CNTN6: variants seen among roughly 807,000 people sequenced by gnomAD.
CNTN6 encodes contactin-6.
Under a neutral mutation model 122.8 loss-of-function variants are expected in CNTN6, and 137 were observed. The ratio of observed to expected loss-of-function variants is 1.12; its 90% CI spans 0.97 to 1.29. The LOEUF (loss-of-function observed/expected upper bound fraction) is 1.29, where lower values mean the gene tolerates loss of function less well. Ranked by LOEUF, CNTN6 falls within the 50% of genes most tolerant of loss-of-function variation. CNTN6 has a pLI of 0.00. For synonymous variants in CNTN6, 570 were observed against 426.0 expected, an observed-to-expected ratio of 1.34 and a Z score of -4.16; for missense variants, 1,634 against 1,223.4, an observed-to-expected ratio of 1.34 and a Z score of -5.01.
intron 4 of CNTN6, among the ~76,000 whole-genome samples, chr3:1,255,166 T>C (rs1196804192): frequency 1.3e-5 from 2 of 152,288 alleles, no homozygotes; most frequent in East Asian, 3.9e-4. Flanking sequence ...TCAGAACCAA[T>C]ATATTGTCAC....
At chr3:1,103,033 GA>G (rs1463183671) in intron 1 of CNTN6, among the ~76,000 whole-genome samples, 5 of 151,608 alleles carry the variant, frequency 3.3e-5, no homozygotes, top group East Asian at 3.9e-4. Context: ...GGGAACCCGG[GA>G]GGCGGAGCTT....
chr3:1,172,580 A>G (rs1260102648), intron 2 of CNTN6, among the ~76,000 whole-genome samples: 2 of 152,168 alleles, frequency 1.3e-5, no homozygotes, highest in African/African-American at 4.8e-5. Context: ...AAAGCATCCA[A>G]GAATCCTTGT....
At chr3:1,219,697 G>T (rs899807811) in intron 2 of CNTN6, among the ~76,000 whole-genome samples, 14 of 152,098 alleles carry the variant, frequency 9.2e-5, no homozygotes, top group Admixed American at 9.2e-4. Flanking sequence ...TGGAATTGTT[G>T]CAGATTGAAA....
At chr3:1,382,475 TG>T (rs1692048018) in intron 17 of CNTN6, among the ~76,000 whole-genome samples, 1 of 152,224 alleles carries the variant, frequency 6.6e-6, no homozygotes, top group Non-Finnish European at 1.5e-5. Flanking sequence ...AAATATTCTG[TG>T]TCTTAAAGCA....
At chr3:1,385,899 T>C (rs1576007910) in intron 20 of CNTN6, 102 bp downstream of exon 20, 1 of 1,103,158 alleles carries the variant, frequency 9.1e-7, no homozygotes, top group Non-Finnish European at 1.3e-6. Context: ...TCTTTACTAA[T>C]TGGTTACTTT....
chr3:1,115,743 C>T (rs1262750683), intron 1 of CNTN6, among the ~76,000 whole-genome samples: 1 of 150,696 alleles, frequency 6.6e-6, no homozygotes, highest in African/African-American at 2.5e-5. Flanking sequence ...CAGGGTGATA[C>T]TCTGTCTCAA....
At chr3:1,114,403 G>C (rs193137854) in intron 1 of CNTN6, among the ~76,000 whole-genome samples, 7 of 152,294 alleles carry the variant, frequency 4.6e-5, no homozygotes, top group African/African-American at 1.7e-4. Context: ...AAAGTAAAGA[G>C]ATGAATAGAA....
At chr3:1,384,812 C>CACATAT (rs1338541100) in intron 19 of CNTN6, among the ~76,000 whole-genome samples, 20 of 118,500 alleles carry the variant, frequency 1.7e-4, no homozygotes, top group African/African-American at 6.2e-4. Context: ...CACACACACA[C>CACATAT]ATATATATAT....
chr3:1,187,536 T>G (rs1354413482), intron 2 of CNTN6, among the ~76,000 whole-genome samples: 1 of 152,154 alleles, frequency 6.6e-6, no homozygotes, highest in African/African-American at 2.4e-5. Flanking sequence ...TTCTGTAGTT[T>G]CCCTCCTCTA....
intron 4 of CNTN6, among the ~76,000 whole-genome samples, chr3:1,246,161 A>G (rs1189629061): frequency 6.6e-6 from 1 of 152,144 alleles, no homozygotes; most frequent in South Asian, 2.1e-4. Context: ...GATATTTCCA[A>G]CACCCCCAGA....
chr3:1,380,701 A>C (rs1268326945), intron 17 of CNTN6, among the ~76,000 whole-genome samples: 1 of 152,304 alleles, frequency 6.6e-6, no homozygotes, highest in African/African-American at 2.4e-5. Context: ...AGAGCCACAT[A>C]CCACTTACAA....
intron 1 of CNTN6, among the ~76,000 whole-genome samples, chr3:1,110,495 A>G (rs2091429593): frequency 6.6e-6 from 1 of 152,086 alleles, no homozygotes; most frequent in African/African-American, 2.4e-5. Flanking sequence ...TGGGCTAGGC[A>G]CATATTCTAA....
chr3:1,199,711 TCTG>T (rs1156511686), intron 2 of CNTN6, among the ~76,000 whole-genome samples: 4 of 152,188 alleles, frequency 2.6e-5, no homozygotes, highest in Non-Finnish European at 5.9e-5. Flanking sequence ...AGAAGCACTC[TCTG>T]CTAAGTGAGT....
intron 7 of CNTN6, among the ~76,000 whole-genome samples, chr3:1,314,322 T>C (rs1018905129): frequency 2.6e-5 from 4 of 152,080 alleles, no homozygotes; most frequent in African/African-American, 9.7e-5. Context: ...TTCACTCTCT[T>C]TGATTAAAAC....
intron 2 of CNTN6, among the ~76,000 whole-genome samples, chr3:1,173,546 C>T (rs985816341): frequency 6.6e-6 from 1 of 152,150 alleles, no homozygotes; most frequent in South Asian, 2.1e-4. Flanking sequence ...GATGTGAACC[C>T]GGACCCATCC....
chr3:1,258,181 G>A (rs1431416861), intron 4 of CNTN6, among the ~76,000 whole-genome samples: 3 of 152,010 alleles, frequency 2.0e-5, no homozygotes, highest in African/African-American at 7.2e-5. Context: ...ATATTTTGAA[G>A]GGAGGAAGAA....
At chr3:1,214,139 T>C (rs2094090918) in intron 2 of CNTN6, among the ~76,000 whole-genome samples, 1 of 152,052 alleles carries the variant, frequency 6.6e-6, no homozygotes, top group Non-Finnish European at 1.5e-5. Context: ...TATCCCATTA[T>C]TCCTCTTTCA....
intron 7 of CNTN6, among the ~76,000 whole-genome samples, chr3:1,304,511 A>G (rs1190248520): frequency 6.6e-6 from 1 of 152,208 alleles, no homozygotes; most frequent in African/African-American, 2.4e-5. Flanking sequence ...GACTTACTTA[A>G]TCCTCCATGT....
intron 1 of CNTN6, among the ~76,000 whole-genome samples, chr3:1,096,772 T>C (rs528667159): frequency 2.0e-5 from 3 of 152,264 alleles, no homozygotes; most frequent in African/African-American, 7.2e-5. Flanking sequence ...TTCTCTGATG[T>C]CCCCCAAAGG....
Sources: gnomAD v4.1 joint callset for allele counts (sites outside exome capture counted in the v4.1 genomes callset) on GRCh38, gnomAD v4.1.1 for gene constraint, MANE v1.5 for transcripts, NCBI Gene and HGNC (gene_info 2026-07-23, HGNC 2026-07-21) for gene names.